The following TEK variants were observed in gnomAD, a reference collection of about 807,000 sequenced individuals.
TEK encodes the protein TEK receptor tyrosine kinase, also known as angiopoietin-1 receptor.
In TEK, 43 loss-of-function variants were observed where a neutral mutation model predicts 131.8. That is an observed-to-expected ratio of 0.33 (90% CI 0.26 to 0.42). The LOEUF is 0.42. Among genes scored for constraint, TEK ranks in the 10% least tolerant of loss-of-function variants. The pLI is 1.00. For synonymous variants in TEK, 580 were observed against 491.6 expected (o/e 1.18, Z -2.38); for missense variants, 1,162 against 1,384.4 (o/e 0.84, Z 2.55).
At chr9:27,173,711 C>T (rs892888039) in intron 6 of TEK, among the ~76,000 whole-genome samples, 3 of 146,040 alleles carry the variant, frequency 2.1e-5, no homozygotes, top group African/African-American at 2.5e-5. Context: ...GTAGGAAGAC[C>T]ATAGAAGACT....
At chr9:27,126,576 T>C (rs962260093) in intron 1 of TEK, among the ~76,000 whole-genome samples, 1 of 152,140 alleles carries the variant, frequency 6.6e-6, no homozygotes, top group Non-Finnish European at 1.5e-5. Flanking sequence ...ATACACTGTA[T>C]ATAAAAATGA....
intron 1 of TEK, among the ~76,000 whole-genome samples, chr9:27,141,017 T>C (rs1822704073): frequency 6.6e-6 from 1 of 152,140 alleles, no homozygotes; most frequent in African/African-American, 2.4e-5. Context: ...CCTATCTCTG[T>C]TTTTAAGATT....
rs772374479 is a variant in TEK at position 27,202,828 on chromosome 9, C to T, written c.1918C>T (p.Pro640Ser). The T allele has an allele frequency of 6.2e-7, 1 of 1,614,032 alleles. No individual in the cohort carries two copies. Among genetic ancestry groups the T allele is most frequent in the Non-Finnish European group, 8.5e-7 (1 of 1,179,922 alleles). The change falls in exon 13 of 23, where the codon CCT becomes TCT. Residue 640 changes from proline to serine, a missense_variant. By Grantham distance (74) the Pro-to-Ser change is moderately conservative (BLOSUM62 -1). Transcript: ENST00000380036. ...TTCTTTTTAATTTCTAGTTCTTCCTCCTCAACCAGAAAACATCAAGATTTC... is the reference window on the plus strand; with the variant it reads ...TTCTTTTTAATTTCTAGTTCTTCCTTCTCAACCAGAAAACATCAAGATTTC... ...TAWTLSDILP[P>S]QPENIKISNI... is the part of the protein sequence containing the mutation.
chr9:27,173,723 GTTTTTTTTTTTTGGTTTTTTTT>G lies in TEK; in HGVS notation c.901+374_901+395del, dbSNP rs1272436501. ...TGAGTAGGAAGACCATAGAAGACTT[GTTTTTTTTTTTTGGTTTTTTTT>G]TTTTTTTTTTTTCAGTGAATCATAA... On this transcript the variant is annotated intron_variant, in intron 6 of 22. Coordinates refer to ENST00000380036, the MANE Select transcript of TEK (RefSeq NM_000459.5). Among the ~76,000 whole-genome samples the G allele has an allele frequency of 9.8e-3, 903 of 92,090 alleles. 22 individuals are homozygous for G. The highest frequency in any genetic ancestry group is 0.035 in the African/African-American group (858 of 24,272). 60.4% of individuals were successfully genotyped at this position (92,090 alleles called of 152,430 possible).
At chr9:27,220,881 AG>A (rs2131248998) in intron 21 of TEK, among the ~76,000 whole-genome samples, 1 of 152,346 alleles carries the variant, frequency 6.6e-6, no homozygotes, top group African/African-American at 2.4e-5. Flanking sequence ...AGCTAGCTGC[AG>A]GAGTTTCTTT....
At chr9:27,216,160 A>G (rs1825814005) in intron 18 of TEK, among the ~76,000 whole-genome samples, 1 of 152,220 alleles carries the variant, frequency 6.6e-6, no homozygotes, top group African/African-American at 2.4e-5. Flanking sequence ...TCTTGGAACC[A>G]TAGGGACATT....
intron 1 of TEK, among the ~76,000 whole-genome samples, chr9:27,117,500 T>A (rs1362611341): frequency 3.3e-5 from 5 of 152,208 alleles, no homozygotes; most frequent in Non-Finnish European, 7.3e-5. Flanking sequence ...ATTGTCCCCT[T>A]GTGTGCCTTC....
intron 2 of TEK, among the ~76,000 whole-genome samples, chr9:27,164,002 G>T (rs1373961618): frequency 6.6e-6 from 1 of 152,182 alleles, no homozygotes; most frequent in Non-Finnish European, 1.5e-5. Flanking sequence ...TCTTAAGCAA[G>T]TTATCTTCCA....
intron 2 of TEK, among the ~76,000 whole-genome samples, chr9:27,161,285 C>G (rs943296287): frequency 1.1e-4 from 16 of 152,200 alleles, no homozygotes; most frequent in Non-Finnish European, 7.4e-5. Context: ...AATTCGTTCT[C>G]CATCACTCAC....
rs560286857 is a variant in TEK, at chr9:27,164,481, G to A, written c.365-4014G>A. ...ACTACAGGCGCCCGCTACCACGCCC[G>A]GCTAATTTTTTGTATTTTTAGTAGA... On this transcript the variant is annotated intron_variant, in intron 2 of 22. Coordinates refer to ENST00000380036, the MANE Select transcript of TEK (RefSeq NM_000459.5). Among the ~76,000 whole-genome samples, 9 of 151,970 alleles carry A rather than the reference G, an allele frequency of 5.9e-5. No individual in the cohort carries two copies. In the South Asian group the frequency reaches 1.0e-3, roughly 18 times the overall value.
intron 1 of TEK, among the ~76,000 whole-genome samples, chr9:27,144,933 A>G (rs1822859403): frequency 6.6e-6 from 1 of 152,164 alleles, no homozygotes; most frequent in Non-Finnish European, 1.5e-5. Flanking sequence ...TTTCATTGTC[A>G]GGTTGAACAA....
At chr9:27,185,411 TGG>T in intron 8 of TEK, 72 bp from the exon 9 acceptor site, 2 of 1,539,576 alleles carry the variant, frequency 1.3e-6, no homozygotes, top group Admixed American at 3.3e-5. Flanking sequence ...AACAATGAGA[TGG>T]GGTCAATGTT....
At chr9:27,114,639 G>A (rs1821479436) in intron 1 of TEK, among the ~76,000 whole-genome samples, 2 of 152,098 alleles carry the variant, frequency 1.3e-5, no homozygotes, top group African/African-American at 2.4e-5. Context: ...AGTTACTTTT[G>A]CACCAATCTG....
At chr9:27,119,473 G>A (rs1421844306) in intron 1 of TEK, among the ~76,000 whole-genome samples, 2 of 152,134 alleles carry the variant, frequency 1.3e-5, no homozygotes, top group East Asian at 3.9e-4. Flanking sequence ...TATCCACGAG[G>A]GCAGGCAACC....
chr9:27,202,429 G>T (rs757235516), intron 12 of TEK, among the ~76,000 whole-genome samples: 18 of 152,166 alleles, frequency 1.2e-4, no homozygotes, highest in Non-Finnish European at 2.2e-4. Context: ...CTTACAGAAA[G>T]ATTGCTATGA....
Position 27,211,669 on chromosome 9 carries a change from T to G in TEK, c.2687-1038T>G, listed in dbSNP as rs114350461. On this transcript the variant is annotated intron_variant, in intron 16 of 22. Transcript: ENST00000380036. ...ATTTTTTGTAGAGATTAGGTCTCAG[T>G]ATACTGCCCAAGCTGGTCTCAAACT... Among the ~76,000 whole-genome samples, 1,091 of 152,018 alleles carry G rather than the reference T, an allele frequency of 7.2e-3. 14 individuals carry two copies. Among genetic ancestry groups the G allele is most frequent in the African/African-American group, 0.025 (1,020 of 41,470 alleles).
chr9:27,137,711 T>C lies in TEK; in HGVS notation c.53-20120T>C, dbSNP rs192161941. On this transcript the variant is annotated intron_variant, in intron 1 of 22. Transcript: ENST00000380036. ...TACTTCGTTTTACTCTCAATTTTAG[T>C]TACAAAGAGATCCCAGAGGCTCACT... is the stretch of plus-strand genomic sequence containing the variant. Among the ~76,000 whole-genome samples the C allele has an allele frequency of 5.9e-5, 9 of 152,356 alleles. No homozygotes were observed. In the East Asian group the frequency reaches 1.2e-3, roughly 20 times the overall value.
chr9:27,119,926 T>C (rs545047473), intron 1 of TEK, among the ~76,000 whole-genome samples: 7 of 152,166 alleles, frequency 4.6e-5, no homozygotes, highest in South Asian at 2.1e-4. Flanking sequence ...GATGCACACG[T>C]GTGAGAGAAA....
intron 21 of TEK, among the ~76,000 whole-genome samples, chr9:27,220,770 A>G (rs1039583872): frequency 1.3e-5 from 2 of 152,236 alleles, no homozygotes; most frequent in Non-Finnish European, 2.9e-5. Context: ...CTTTTCCCAC[A>G]GTCTTTGCAA....
Sources: allele counts gnomAD v4.1 joint callset (sites outside exome capture counted in the v4.1 genomes callset), GRCh38; gene constraint gnomAD v4.1.1; transcripts MANE v1.5; gene names NCBI Gene and HGNC (gene_info 2026-07-23, HGNC 2026-07-21).